The following RSPH10B2 variants were observed in gnomAD, a reference collection of about 807,000 sequenced individuals.
RSPH10B2 encodes radial spoke head 10 homolog B2.
RSPH10B2 carries 9 observed loss-of-function variants against 49.0 expected under a neutral mutation model. The observed-to-expected ratio is 0.18, with a 90% CI of 0.11 to 0.32. The LOEUF (loss-of-function observed/expected upper bound fraction) is 0.32. Ranked by LOEUF, RSPH10B2 falls within the 10% of genes least tolerant of loss-of-function variation. RSPH10B2 has a pLI of 1.00. For missense variants in RSPH10B2, 95 were observed against 589.9 expected, an observed-to-expected ratio of 0.16 and a Z score of 8.69; for synonymous variants, 35 against 210.2, an observed-to-expected ratio of 0.17 and a Z score of 7.21.
chr7:6,779,974 AT>A (rs769877980), intron 11 of RSPH10B2, among the ~76,000 whole-genome samples: 18,813 of 109,776 alleles, frequency 0.17, 1,612 homozygotes, highest in African/African-American at 0.32. Context: ...TGCCTGGCTA[AT>A]TTTTTTTTTT....
intron 6 of RSPH10B2, 86 bp downstream of exon 8, chr7:6,766,963 T>C: frequency 1.7e-6 from 2 of 1,198,914 alleles, no homozygotes; most frequent in Non-Finnish European, 2.2e-6. Flanking sequence ...TTGGGTTTTG[T>C]TTTTGTTTTT....
At chr7:6,766,853 C>T (rs62441779) in exon 6 of RSPH10B2, 36,540 of 711,316 alleles carry the variant, frequency 0.051, 2,106 homozygotes, top group South Asian at 0.12. Context: ...AAGAGTACAC[C>T]GGGCGGTGGG....
intron 10 of RSPH10B2, among the ~76,000 whole-genome samples, chr7:6,776,748 A>C: frequency 1.9e-5 from 1 of 53,660 alleles, no homozygotes; most frequent in Non-Finnish European, 3.3e-5. Context: ...GTGGTGGTGC[A>C]TGCCTATAAT....
intron 13 of RSPH10B2, among the ~76,000 whole-genome samples, chr7:6,782,949 GA>G (rs1242048914): frequency 7.8e-6 from 1 of 128,008 alleles, no homozygotes; most frequent in Non-Finnish European, 1.6e-5. Flanking sequence ...ATCGAAAAAG[GA>G]ATTTTTAAAA....
chr7:6,794,315 A>G (rs1379486327), intron 17 of RSPH10B2: 1 of 152,194 alleles, frequency 6.6e-6, no homozygotes, highest in Non-Finnish European at 1.5e-5. Flanking sequence ...TGCCACCGCC[A>G]GGAATCCTGC....
At chr7:6,782,686 G>A (rs1353472028) in intron 13 of RSPH10B2, among the ~76,000 whole-genome samples, 2 of 119,954 alleles carry the variant, frequency 1.7e-5, no homozygotes, top group Non-Finnish European at 3.5e-5. Context: ...TTTGAGACCA[G>A]CCTGGCCAAT....
intron 7 of RSPH10B2, among the ~76,000 whole-genome samples, chr7:6,769,955 C>CGT (rs1487123411): frequency 2.5e-4 from 8 of 32,418 alleles, no homozygotes; most frequent in East Asian, 8.0e-4. Flanking sequence ...TGTGTGTGTA[C>CGT]GTGTGTGTGT....
At chr7:6,766,654 A>G in intron 5 of RSPH10B2, 103 bp from the exon 8 acceptor site, 2 of 170,354 alleles carry the variant, frequency 1.2e-5, no homozygotes, top group African/African-American at 7.4e-5. Flanking sequence ...CAAGGGGTGG[A>G]TTTCTTCAAA....
At chr7:6,764,283 G>A (rs909643195) in intron 4 of RSPH10B2, among the ~76,000 whole-genome samples, 182 bp downstream of exon 6, 5 of 146,246 alleles carry the variant, frequency 3.4e-5, no homozygotes, top group Admixed American at 6.8e-5. Context: ...AAGGGGGTAG[G>A]GGCTAGCGGC....
intron 10 of RSPH10B2, among the ~76,000 whole-genome samples, chr7:6,777,997 G>T (rs1285167516): frequency 2.0e-5 from 3 of 152,214 alleles, no homozygotes; most frequent in African/African-American, 7.2e-5. Context: ...GGCCAGCAAT[G>T]CACGGTCTCA....
At chr7:6,764,656 C>T (rs1445712187) in intron 4 of RSPH10B2, among the ~76,000 whole-genome samples, 1 of 151,740 alleles carries the variant, frequency 6.6e-6, no homozygotes, top group Non-Finnish European at 1.5e-5. Flanking sequence ...CCACACTGTG[C>T]CTGGCCGTAT....
At position 6,781,206 on chromosome 7, in the gene RSPH10B2, C is replaced by G. The variant is rs1355461085; in HGVS notation, c.1610-122C>G. ...CGAGCCAAGATGGTGCCACTGCACT[C>G]TAGCCTGGGTGACATCAAGACTCTG... On this transcript the variant is annotated intron_variant, in intron 12 of 18. Coordinates refer to ENST00000297186, the Ensembl canonical transcript of RSPH10B2. 4.0e-6 allele frequency: 4 copies of G among 987,862 alleles called. 1 individual carries two copies. The highest frequency in any genetic ancestry group is 5.4e-6 in the Non-Finnish European group (4 of 742,924). 61.2% of individuals were successfully genotyped at this position (987,862 alleles called of 1,614,324 possible). A position where few individuals can be genotyped will look rare whatever the true frequency, so the allele number is the denominator to read the frequency against.
intron 18 of RSPH10B2, among the ~76,000 whole-genome samples, chr7:6,797,340 C>T (rs1239074848): frequency 6.7e-6 from 1 of 150,184 alleles, no homozygotes; most frequent in African/African-American, 2.4e-5. Flanking sequence ...GAGTTCAAAA[C>T]CTGTGGACTC....
chr7:6,786,349 A>ATT (rs750188511), intron 14 of RSPH10B2, among the ~76,000 whole-genome samples: 7 of 105,152 alleles, frequency 6.7e-5, no homozygotes, highest in African/African-American at 2.8e-4. Context: ...CGCCCGGCTA[A>ATT]TTTTTTTTTT....
intron 17 of RSPH10B2, among the ~76,000 whole-genome samples, chr7:6,795,962 G>A (rs759628241): frequency 2.1e-5 from 3 of 145,750 alleles, no homozygotes; most frequent in South Asian, 2.2e-4. Flanking sequence ...CAAGAGAAAC[G>A]AGTTTTTTTA....
At position 6,784,856 on chromosome 7, in the gene RSPH10B2, G is replaced by A. The variant is rs1275989830; in HGVS notation, c.1759-1093G>A. On this transcript the variant is annotated intron_variant, in intron 13 of 18. Coordinates refer to ENST00000297186, the Ensembl canonical transcript of RSPH10B2. ...GCTGGGATTACAGGTGTGAGCCACC[G>A]CGCCCGGCCCCACATAACGTTATTG... is the stretch of plus-strand genomic sequence containing the variant. 3.9e-3 allele frequency among the ~76,000 whole-genome samples: 319 copies of A among 81,480 alleles called. 5 individuals carry two copies. The highest frequency in any genetic ancestry group is 0.018 in the African/African-American group (300 of 16,930). 53.5% of individuals were successfully genotyped at this position (81,480 alleles called of 152,430 possible). A position where few individuals can be genotyped will look rare whatever the true frequency, so the allele number is the denominator to read the frequency against.
chr7:6,786,425 A>ACCT (rs1335019648), intron 14 of RSPH10B2, among the ~76,000 whole-genome samples: 1 of 115,150 alleles, frequency 8.7e-6, no homozygotes, highest in Non-Finnish European at 1.7e-5. Context: ...TGATCTCCTG[A>ACCT]CCTCGTGATC....
chr7:6,786,413 C>T lies in RSPH10B2; in HGVS notation c.1866+357C>T, dbSNP rs973102315. ...GTTTCACCGTGTTAGCCAGGATGGT[C>T]TTGATCTCCTGACCTCGTGATCCAC... On this transcript the variant is annotated intron_variant, in intron 14 of 18. Transcript: ENST00000297186. Among the ~76,000 whole-genome samples the T allele has an allele frequency of 2.6e-5, 3 of 115,732 alleles. 1 individual carries two copies. The highest frequency in any genetic ancestry group is 1.1e-4 in the African/African-American group (3 of 27,748). The allele number at this position is 115,732 out of a possible 152,430, so 75.9% of individuals were successfully genotyped here. A position where few individuals can be genotyped will look rare whatever the true frequency, so the allele number is the denominator to read the frequency against.
In RSPH10B2 at chr7:6,796,475, C is replaced by T; in HGVS notation, c.2234-93C>T. The stretch of plus-strand genomic sequence containing the variant: ...TCTCCTGGCCGAGGAGAAGGGGGCC[C>T]ACCCCAGGGAGGCTAGAACGAGAAA... On this transcript the variant is annotated intron_variant, in intron 17 of 18. Transcript: ENST00000297186. 3.8e-6 allele frequency: 3 copies of T among 787,734 alleles called. 1 individual carries two copies. The highest frequency in any genetic ancestry group is 5.3e-6 in the Non-Finnish European group (3 of 561,934). The allele number at this position is 787,734 out of a possible 1,614,324, so 48.8% of individuals were successfully genotyped here.
Sources: allele counts gnomAD v4.1 joint callset (sites outside exome capture counted in the v4.1 genomes callset), GRCh38; gene constraint gnomAD v4.1.1; transcripts MANE v1.5; gene names NCBI Gene and HGNC (gene_info 2026-07-23, HGNC 2026-07-21).